The following SHISA2 variants were observed in gnomAD, a reference collection of about 807,000 sequenced individuals.
SHISA2 encodes the protein shisa family member 2.
In SHISA2, 16 loss-of-function variants were observed where a neutral mutation model predicts 23.8. The ratio of observed to expected loss-of-function variants is 0.67; its 90% CI spans 0.46 to 1.02. SHISA2 has a LOEUF of 1.02. Among genes scored for constraint, SHISA2 ranks in the 50% least tolerant of loss-of-function variants. The pLI, the probability that SHISA2 is intolerant of heterozygous loss-of-function variation, is 0.00. For synonymous variants in SHISA2, 201 were observed against 178.6 expected (o/e 1.13, Z -1.00); for missense variants, 459 against 420.1 (o/e 1.09, Z -0.81).
At position 26,046,416 on chromosome 13, in the gene SHISA2, G is replaced by A. The variant is rs887593828; in HGVS notation, c.*97C>T. On this transcript the variant is annotated 3_prime_UTR_variant, in exon 2 of 2. Transcript: ENST00000319420. ...GCAAATGAAGCCATCCAAAGGAATC[G>A]TGCCATAAATACCACCGACATGTGC... 12 of 1,273,148 alleles carry A rather than the reference G, an allele frequency of 9.4e-6. No individual in the cohort carries two copies. The highest frequency in any genetic ancestry group is 7.8e-5 in the Admixed American group (3 of 38,286). The allele number at this position is 1,273,148 out of a possible 1,614,324, so 78.9% of individuals were successfully genotyped here.
rs1044941393 is a variant in SHISA2 at position 26,051,826 on chromosome 13, G to T, written c.-851C>A. The stretch of plus-strand genomic sequence containing the variant: ...TTCTCCGCCTCCCCGGCTGCAGCGC[G>T]GTCCCACAGGAGCCCGGCAGCCTCC... On this transcript the variant is annotated 5_prime_UTR_variant, in exon 1 of 2. Transcript: ENST00000319420. Among the ~76,000 whole-genome samples the T allele has an allele frequency of 2.0e-5, 3 of 152,112 alleles. No homozygotes were observed. The highest frequency in any genetic ancestry group is 6.6e-5 in the Admixed American group (1 of 15,266).
Position 26,045,447 on chromosome 13 carries a change from GATGA to G in SHISA2, c.*1062_*1065del, listed in dbSNP as rs1957259897. On this transcript the variant is annotated 3_prime_UTR_variant, in exon 2 of 2. Coordinates refer to ENST00000319420, the MANE Select transcript of SHISA2 (RefSeq NM_001007538.2). Reference sequence around the variant, plus strand: ...AAAATTAAGATACAATCAAGAAGGGGATGAATGGTTTTATGACTATACCACCTAC... The same window carrying G: ...AAAATTAAGATACAATCAAGAAGGGGATGGTTTTATGACTATACCACCTAC... 2 of 152,250 alleles carry G rather than the reference GATGA, an allele frequency of 1.3e-5. No individual in the cohort carries two copies. The highest frequency in any genetic ancestry group is 4.1e-4 in the South Asian group (2 of 4,824). The allele number at this position is 152,250 out of a possible 1,614,324, so 9.4% of individuals were successfully genotyped here.
Position 26,051,151 on chromosome 13 carries a change from G to A in SHISA2, c.-176C>T. The stretch of plus-strand genomic sequence containing the variant: ...CGACGACGCCGGGCCCTAGGTCCAG[G>A]AGCTCCTAAGCCATCCCCGTCCTCA... On this transcript the variant is annotated 5_prime_UTR_variant, in exon 1 of 2. Coordinates refer to ENST00000319420, the MANE Select transcript of SHISA2 (RefSeq NM_001007538.2). The A allele has an allele frequency of 3.5e-6, 2 of 568,928 alleles. No individual in the cohort carries two copies. The highest frequency in any genetic ancestry group is 2.4e-5 in the South Asian group (1 of 41,600). 35.2% of individuals were successfully genotyped at this position (568,928 alleles called of 1,614,324 possible). A position where few individuals can be genotyped will look rare whatever the true frequency, so the allele number is the denominator to read the frequency against.
At position 26,049,770 on chromosome 13, in the gene SHISA2, G is replaced by A. The variant is rs929442539; in HGVS notation, c.334+872C>T. 4.0e-5 allele frequency among the ~76,000 whole-genome samples: 6 copies of A among 151,792 alleles called. No homozygotes were observed. In the South Asian group the frequency reaches 8.3e-4, roughly 21 times the overall value. On this transcript the variant is annotated intron_variant, in intron 1 of 1. Coordinates refer to ENST00000319420, the MANE Select transcript of SHISA2 (RefSeq NM_001007538.2). ...CAGGATGCTAGCGAAAAGCCTCCCA[G>A]GTAAACACAACGGGCCCACAAAGAG... is the stretch of plus-strand genomic sequence containing the variant.
Position 26,046,506 on chromosome 13 carries a change from C to T in SHISA2, c.*7G>A, listed in dbSNP as rs1566373340. 1.3e-6 allele frequency: 2 copies of T among 1,577,302 alleles called. No individual in the cohort carries two copies. Among genetic ancestry groups the T allele is most frequent in the East Asian group, 2.3e-5 (1 of 44,304 alleles). On this transcript the variant is annotated 3_prime_UTR_variant, in exon 2 of 2. Transcript: ENST00000319420. ...CTTCAGTAAAGGAACCCACCAGTGA[C>T]TCTCGGTTATACAGTCACCGCTGGG...
At chr13:26,047,726 T>C (rs1267392653) in intron 1 of SHISA2, among the ~76,000 whole-genome samples, 6 of 152,150 alleles carry the variant, frequency 3.9e-5, no homozygotes, top group South Asian at 4.1e-4. Flanking sequence ...TTGGGTGGCA[T>C]TGGGTCCAGG....
intron 1 of SHISA2, 115 bp from the exon 2 acceptor site, chr13:26,047,181 C>T (rs1426619119): frequency 2.7e-6 from 3 of 1,103,456 alleles, no homozygotes; most frequent in East Asian, 2.7e-5. Flanking sequence ...AGCTGAAGGA[C>T]CTACACTGGG....
At position 26,046,894 on chromosome 13, in the gene SHISA2, A is replaced by T. The variant is rs770942566; in HGVS notation, c.507T>A (p.Ser169Arg). The T allele has an allele frequency of 6.2e-7, 1 of 1,613,610 alleles. No individual in the cohort carries two copies. The highest frequency in any genetic ancestry group is 2.2e-5 in the East Asian group (1 of 44,850). ...RLMETIPMIP[S>R]ASTSRGSSSR... is the part of the protein sequence containing the mutation. The stretch of plus-strand genomic sequence containing the variant: ...AGGACGACCCCCGGGAGGTGCTGGC[A>T]CTGGGGATCATGGGGATGGTCTCCA... Residue 169 changes from serine to arginine, a missense_variant, in exon 2 of 2, where the codon AGT becomes AGA. Physicochemically the swap from Ser to Arg is moderately radical, Grantham distance 110 (BLOSUM62 -1). Coordinates refer to ENST00000319420, the MANE Select transcript of SHISA2 (RefSeq NM_001007538.2).
chr13:26,048,970 T>C (rs1018956943), intron 1 of SHISA2, among the ~76,000 whole-genome samples: 5 of 152,212 alleles, frequency 3.3e-5, no homozygotes, highest in Admixed American at 1.3e-4. Flanking sequence ...CACTTCAGGC[T>C]AACTACGGAT....
In SHISA2 at chr13:26,046,965, T is replaced by G; in HGVS notation, c.436A>C (p.Lys146Gln). ...AACCCRCLRP[K>Q]QDPQQSRAPG... Reference sequence around the variant, plus strand: ...GCTCGGCTCTGCTGGGGATCCTGCTTAGGCCGGAGACATCTGCAGCAACAG... The same window carrying G: ...GCTCGGCTCTGCTGGGGATCCTGCTGAGGCCGGAGACATCTGCAGCAACAG... Residue 146 changes from lysine to glutamine, a missense_variant, in exon 2 of 2, where the codon AAG becomes CAG. Physicochemically the swap from Lys to Gln is moderately conservative, Grantham distance 53 (BLOSUM62 1). Coordinates refer to ENST00000319420, the MANE Select transcript of SHISA2 (RefSeq NM_001007538.2). The G allele has an allele frequency of 6.2e-7, 1 of 1,611,262 alleles. No individual in the cohort carries two copies. The highest frequency in any genetic ancestry group is 8.5e-7 in the Non-Finnish European group (1 of 1,178,090).
chr13:26,047,170 CAG>C, intron 1 of SHISA2, 104 bp from the exon 2 acceptor site: 2 of 1,209,058 alleles, frequency 1.7e-6, no homozygotes, highest in East Asian at 2.6e-5. Context: ...CTGATACCCA[CAG>C]CTGAAGGACC....
In SHISA2 at chr13:26,046,450, AC is replaced by A. The variant is rs1479955650; in HGVS notation, c.*62del. The A allele has an allele frequency of 1.3e-6, 2 of 1,510,318 alleles. No individual in the cohort carries two copies. Among genetic ancestry groups the A allele is most frequent in the Non-Finnish European group, 1.8e-6 (2 of 1,123,858 alleles). The allele number at this position is 1,510,318 out of a possible 1,614,324, so 93.6% of individuals were successfully genotyped here. A position where few individuals can be genotyped will look rare whatever the true frequency, so the allele number is the denominator to read the frequency against. On this transcript the variant is annotated 3_prime_UTR_variant, in exon 2 of 2. Transcript: ENST00000319420. ...ATACCACCGACATGTGCGGACTTCC[AC>A]CTCGAGAATCCACCCCTGCCTTCGT... is the stretch of plus-strand genomic sequence containing the variant.
chr13:26,046,702 G>A lies in SHISA2; in HGVS notation c.699C>T (p.Thr233=). 1.2e-6 allele frequency: 2 copies of A among 1,614,206 alleles called. No individual in the cohort carries two copies. The highest frequency in any genetic ancestry group is 2.2e-5 in the South Asian group (2 of 91,088). The change falls in exon 2 of 2, where the codon ACC becomes ACT. Residue 233 remains threonine, a synonymous_variant. Coordinates refer to ENST00000319420, the MANE Select transcript of SHISA2 (RefSeq NM_001007538.2). ...NFSVLNCQQA[T]QIVPHQGQYL... is the part of the protein sequence containing the mutation. ...ACTGCCCTTGATGTGGCACAATCTGGGTGGCCTGCTGACAGTTCAGCACAG... is the reference window on the plus strand; with the variant it reads ...ACTGCCCTTGATGTGGCACAATCTGAGTGGCCTGCTGACAGTTCAGCACAG...
intron 1 of SHISA2, 130 bp downstream of exon 1, chr13:26,050,512 A>G (rs1019284637): frequency 3.2e-6 from 3 of 951,796 alleles, no homozygotes; most frequent in Non-Finnish European, 2.9e-6. Flanking sequence ...CCAAATAATA[A>G]GCCAGAAGGC....
Position 26,050,795 on chromosome 13 carries a change from C to T in SHISA2, c.181G>A (p.Gly61Ser). The T allele has an allele frequency of 6.5e-7, 1 of 1,526,928 alleles. No homozygotes were observed. Among genetic ancestry groups the T allele is most frequent in the Non-Finnish European group, 8.7e-7 (1 of 1,147,572 alleles). The allele number at this position is 1,526,928 out of a possible 1,614,324, so 94.6% of individuals were successfully genotyped here. A position where few individuals can be genotyped will look rare whatever the true frequency, so the allele number is the denominator to read the frequency against. Reference sequence around the variant, plus strand: ...CTGCCGCAGCAGATGGTGGCGTCGCCGCCGTCGAAGCGCTCGGGACACTGG... The same window carrying T: ...CTGCCGCAGCAGATGGTGGCGTCGCTGCCGTCGAAGCGCTCGGGACACTGG... ...GFQCPERFDG[G>S]DATICCGSCA... Residue 61 changes from glycine to serine, a missense_variant, in exon 1 of 2, where the codon GGC becomes AGC. Coordinates refer to ENST00000319420, the MANE Select transcript of SHISA2 (RefSeq NM_001007538.2).
chr13:26,046,971 G>A lies in SHISA2; in HGVS notation c.430C>T (p.Arg144Trp), dbSNP rs751865288. Residue 144 changes from arginine to tryptophan, a missense_variant, in exon 2 of 2, where the codon CGG (arginine) becomes TGG (tryptophan). Transcript: ENST00000319420. The part of the protein sequence containing the change: ...LVAACCCRCL[R>W]PKQDPQQSRA... ...CTCTGCTGGGGATCCTGCTTAGGCC[G>A]GAGACATCTGCAGCAACAGGCTGCC... 6.0e-5 allele frequency: 96 copies of A among 1,607,010 alleles called. No individual in the cohort carries two copies. Among genetic ancestry groups the A allele is most frequent in the Middle Eastern group, 1.7e-4 (1 of 6,048 alleles).
In SHISA2 at chr13:26,046,223, C is replaced by T. The variant is rs745749374; in HGVS notation, c.*290G>A. 5 of 291,818 alleles carry T rather than the reference C, an allele frequency of 1.7e-5. No individual in the cohort carries two copies. Among genetic ancestry groups the T allele is most frequent in the South Asian group, 1.3e-4 (1 of 7,620 alleles). 18.1% of individuals were successfully genotyped at this position (291,818 alleles called of 1,614,324 possible). ...AATTTATCAGTTTATAAAATTCTTT[C>T]GTCAACCATATCTCAAGGGCACTTC... On this transcript the variant is annotated 3_prime_UTR_variant, in exon 2 of 2. Coordinates refer to ENST00000319420, the MANE Select transcript of SHISA2 (RefSeq NM_001007538.2).
chr13:26,051,007 C>CAG lies in SHISA2; in HGVS notation c.-34_-33dup. 1 of 1,468,418 alleles carries CAG rather than the reference C, an allele frequency of 6.8e-7. No homozygotes were observed. Among genetic ancestry groups the CAG allele is most frequent in the Non-Finnish European group, 8.9e-7 (1 of 1,118,100 alleles). The allele number at this position is 1,468,418 out of a possible 1,614,324, so 91.0% of individuals were successfully genotyped here. A position where few individuals can be genotyped will look rare whatever the true frequency, so the allele number is the denominator to read the frequency against. ...ACCCTGGGCGCGGACAGCGCGTCTC[C>CAG]AGAGAGCGCAGGACGGTCTCCGAGA... is the stretch of plus-strand genomic sequence containing the variant. On this transcript the variant is annotated 5_prime_UTR_variant, in exon 1 of 2. Coordinates refer to ENST00000319420, the MANE Select transcript of SHISA2 (RefSeq NM_001007538.2).
intron 1 of SHISA2, among the ~76,000 whole-genome samples, chr13:26,048,392 G>C (rs987608379): frequency 1.3e-5 from 2 of 152,232 alleles, no homozygotes; most frequent in South Asian, 4.1e-4. Flanking sequence ...GAAAATAGAC[G>C]CAGGTTGACA....
Sources: allele counts gnomAD v4.1 joint callset (sites outside exome capture counted in the v4.1 genomes callset), GRCh38; gene constraint gnomAD v4.1.1; transcripts MANE v1.5; gene names NCBI Gene and HGNC (gene_info 2026-07-23, HGNC 2026-07-21).